The following SIMC1 variants were observed in gnomAD, a reference collection of about 807,000 sequenced individuals.
The protein encoded by SIMC1 is SUMO interacting motifs containing 1, also known as SUMO-interacting motif-containing protein 1.
Under a neutral mutation model 82.3 loss-of-function variants are expected in SIMC1, and 55 were observed. The ratio of observed to expected loss-of-function variants is 0.67; its 90% confidence interval spans 0.54 to 0.84. SIMC1 has a LOEUF of 0.84. SIMC1 is among the 40% of genes least tolerant of loss of function. The pLI, the probability that SIMC1 is intolerant of heterozygous loss-of-function variation, is 0.00. For synonymous variants in SIMC1, 353 were observed against 426.3 expected, an observed-to-expected ratio of 0.83 and a Z score of 2.12; for missense variants, 915 against 1,107.2, an observed-to-expected ratio of 0.83 and a Z score of 2.46.
intron 2 of SIMC1, among the ~76,000 whole-genome samples, chr5:176,294,262 A>G (rs1199805166): frequency 6.9e-6 from 1 of 145,902 alleles, no homozygotes; most frequent in East Asian, 2.0e-4. Flanking sequence ...CATGTCATTA[A>G]AAGTTTTTTA....
In SIMC1 at chr5:176,309,597, G is replaced by C. The variant is rs982245619; in HGVS notation, c.1735-4094G>C. Reference sequence around the variant, plus strand: ...ATAAACTACAGATTGAAATGAATTTGCAAACCATATATCTGATCAATTTGG... The same window carrying C: ...ATAAACTACAGATTGAAATGAATTTCCAAACCATATATCTGATCAATTTGG... On this transcript the variant is annotated intron_variant, in intron 4 of 9. Coordinates refer to ENST00000429602, the MANE Select transcript of SIMC1 (RefSeq NM_001308195.2). Among the ~76,000 whole-genome samples, 5 of 152,282 alleles carry C rather than the reference G, an allele frequency of 3.3e-5. No homozygotes were observed. In the South Asian group the frequency reaches 1.0e-3, roughly 32 times the overall value.
At chr5:176,325,840 C>CA (rs1451753573) in intron 7 of SIMC1, among the ~76,000 whole-genome samples, 3 of 151,860 alleles carry the variant, frequency 2.0e-5, no homozygotes, top group Non-Finnish European at 4.4e-5. Flanking sequence ...TAGATATATC[C>CA]AATATTAGAG....
intron 1 of SIMC1, among the ~76,000 whole-genome samples, chr5:176,252,741 G>A (rs368756432): frequency 2.4e-4 from 36 of 152,272 alleles, no homozygotes; most frequent in South Asian, 1.9e-3. Flanking sequence ...ATGGGGTGGC[G>A]GCCGGGCAGA....
At chr5:176,264,527 G>A (rs1762125539) in intron 1 of SIMC1, among the ~76,000 whole-genome samples, 1 of 151,884 alleles carries the variant, frequency 6.6e-6, no homozygotes, top group Admixed American at 6.6e-5. Flanking sequence ...CCCTGACTGG[G>A]GCCTGAACAG....
chr5:176,282,157 C>T (rs919042874), intron 1 of SIMC1, among the ~76,000 whole-genome samples: 26 of 152,234 alleles, frequency 1.7e-4, no homozygotes, highest in Non-Finnish European at 2.9e-4. Flanking sequence ...CCTGCAGCCT[C>T]GCTGCCGCCT....
At chr5:176,326,714 G>A (rs1162104355) in intron 7 of SIMC1, among the ~76,000 whole-genome samples, 1 of 152,044 alleles carries the variant, frequency 6.6e-6, no homozygotes, top group Non-Finnish European at 1.5e-5. Context: ...ACAGGTGCAT[G>A]CCCCTATACC....
At chr5:176,251,615 G>A (rs1761656138) in intron 1 of SIMC1, among the ~76,000 whole-genome samples, 1 of 151,538 alleles carries the variant, frequency 6.6e-6, no homozygotes, top group South Asian at 2.1e-4. Flanking sequence ...ATCATTCTGG[G>A]GTGTTTCTCG....
intron 1 of SIMC1, among the ~76,000 whole-genome samples, chr5:176,284,876 A>C (rs2113236553): frequency 6.6e-6 from 1 of 152,356 alleles, no homozygotes; most frequent in Admixed American, 6.5e-5. Context: ...TCCTGGACAC[A>C]TACACCCTCC....
intron 1 of SIMC1, among the ~76,000 whole-genome samples, chr5:176,275,602 T>C (rs1156644426): frequency 6.6e-6 from 1 of 151,806 alleles, no homozygotes; most frequent in Non-Finnish European, 1.5e-5. Flanking sequence ...TGATATTGGC[T>C]GTGGGTTTGT....
chr5:176,308,360 A>G, intron 4 of SIMC1: 1 of 1,547,552 alleles, frequency 6.5e-7, no homozygotes, highest in African/African-American at 1.4e-5. Context: ...AGCTGTCTGC[A>G]GCTTCAACAG....
chr5:176,268,397 A>G (rs1398318592), intron 1 of SIMC1, among the ~76,000 whole-genome samples: 3 of 123,568 alleles, frequency 2.4e-5, no homozygotes, highest in Admixed American at 9.0e-5. Context: ...AGAACCAAGT[A>G]TGTGCTATCT....
At chr5:176,278,059 T>C (rs1762796532) in intron 1 of SIMC1, among the ~76,000 whole-genome samples, 2 of 129,128 alleles carry the variant, frequency 1.5e-5, no homozygotes, top group Admixed American at 1.6e-4. Flanking sequence ...ATTTTCATGA[T>C]ATTGATTCTT....
intron 5 of SIMC1, among the ~76,000 whole-genome samples, chr5:176,314,436 T>C (rs1317579996): frequency 6.6e-6 from 1 of 152,222 alleles, no homozygotes; most frequent in East Asian, 1.9e-4. Flanking sequence ...AACAACCTTG[T>C]GAAATCTAGG....
intron 2 of SIMC1, among the ~76,000 whole-genome samples, chr5:176,294,698 C>T (rs1426856328): frequency 1.3e-5 from 2 of 151,656 alleles, no homozygotes. Flanking sequence ...CGCCGTGGCT[C>T]ACACCTGTAA....
chr5:176,340,232 C>G (rs1299380161), intron 9 of SIMC1, among the ~76,000 whole-genome samples: 2 of 152,166 alleles, frequency 1.3e-5, no homozygotes, highest in African/African-American at 4.8e-5. Context: ...AGCTAGGATT[C>G]AAACAGGTCT....
intron 2 of SIMC1, among the ~76,000 whole-genome samples, chr5:176,292,193 G>C (rs757246934): frequency 2.0e-5 from 3 of 152,294 alleles, no homozygotes; most frequent in Non-Finnish European, 4.4e-5. Context: ...GACTTTGGGG[G>C]AGGAAATTCA....
At chr5:176,321,020 G>A (rs1765134078) in intron 5 of SIMC1, among the ~76,000 whole-genome samples, 1 of 151,898 alleles carries the variant, frequency 6.6e-6, no homozygotes, top group African/African-American at 2.4e-5. Context: ...ATCAGCCTGA[G>A]CAACATAGCC....
At chr5:176,304,412 C>G (rs867600011) in intron 4 of SIMC1, 5 of 177,314 alleles carry the variant, frequency 2.8e-5, no homozygotes, top group African/African-American at 1.2e-4. Context: ...CGGTCTCCAG[C>G]CCCTAACCGC....
chr5:176,342,650 A>T (rs558571169), intron 9 of SIMC1, among the ~76,000 whole-genome samples: 1 of 152,126 alleles, frequency 6.6e-6, no homozygotes, highest in East Asian at 1.9e-4. Context: ...TCCTCAGGAC[A>T]TTTGCTATTG....
Sources: allele counts gnomAD v4.1 joint callset (sites outside exome capture counted in the v4.1 genomes callset), GRCh38; gene constraint gnomAD v4.1.1; transcripts MANE v1.5; gene names NCBI Gene and HGNC (gene_info 2026-07-23, HGNC 2026-07-21).